TLN2: variants seen among roughly 807,000 people sequenced by gnomAD.
The protein encoded by TLN2 is talin 2.
A neutral mutation model predicts 294.7 loss-of-function variants in TLN2; 118 were observed. That is an observed-to-expected ratio of 0.40 (90% confidence interval 0.34 to 0.47). The LOEUF (loss-of-function observed/expected upper bound fraction) is 0.47, where lower values mean the gene tolerates loss of function less well. Ranked by LOEUF, TLN2 falls within the 20% of genes least tolerant of loss-of-function variation. The pLI, the probability that TLN2 is intolerant of heterozygous loss-of-function variation, is 0.84. For synonymous variants in TLN2, 1,431 were observed against 1,304.5 expected, an observed-to-expected ratio of 1.10 and a Z score of -2.09; for missense variants, 3,083 against 3,282.2, an observed-to-expected ratio of 0.94 and a Z score of 1.48.
At chr15:62,828,182 G>A (rs1425901741) in intron 54 of TLN2, 1 of 152,374 alleles carries the variant, frequency 6.6e-6, no homozygotes, top group African/African-American at 2.4e-5. Context: ...TTTAAAGGGT[G>A]AGCAAGGAAG....
intron 1 of TLN2, among the ~76,000 whole-genome samples, chr15:62,448,723 T>G (rs965727841): frequency 3.3e-5 from 5 of 152,210 alleles, no homozygotes; most frequent in Non-Finnish European, 5.9e-5. Context: ...GAATAGTAAT[T>G]CACAGAGCGG....
chr15:62,547,337 A>G lies in TLN2; in HGVS notation c.-237-42350A>G, dbSNP rs190838064. 3.9e-5 allele frequency among the ~76,000 whole-genome samples: 6 copies of G among 152,330 alleles called. No homozygotes were observed. The East Asian group carries it at 5.8e-4, about 15-fold the overall frequency. The stretch of plus-strand genomic sequence containing the variant: ...GATTAGACTGTCTAGGATAGTATCA[A>G]TCTTGTGGCTACGTTGACATCTTTG... On this transcript the variant is annotated intron_variant, in intron 1 of 58. Transcript: ENST00000636159.
chr15:62,502,332 A>T (rs1253395126), intron 1 of TLN2, among the ~76,000 whole-genome samples: 1 of 152,240 alleles, frequency 6.6e-6, no homozygotes, highest in African/African-American at 2.4e-5. Context: ...CAAAGGTTTG[A>T]ACTGCTGACT....
At chr15:62,739,578 T>A in intron 31 of TLN2, 33 bp downstream of exon 31, 1 of 1,610,976 alleles carries the variant, frequency 6.2e-7, no homozygotes. Context: ...GGAGTTGACC[T>A]TAGCCTCTCC....
At position 62,775,300 on chromosome 15, in the gene TLN2, C is replaced by T. The variant is rs151138856; in HGVS notation, c.5368-1464C>T. Among the ~76,000 whole-genome samples, 902 of 152,190 alleles carry T rather than the reference C, an allele frequency of 5.9e-3. 13 individuals carry two copies. The highest frequency in any genetic ancestry group is 0.02 in the African/African-American group (811 of 41,498). On this transcript the variant is annotated intron_variant, in intron 42 of 58. Transcript: ENST00000636159. ...TGCACCCTCCCTTTCACCTTCTGTA[C>T]GAATAAAAATGTATGAGATGCTCTT...
At chr15:62,801,640 G>A (rs753550120) in intron 50 of TLN2, among the ~76,000 whole-genome samples, 1 of 152,200 alleles carries the variant, frequency 6.6e-6, no homozygotes, top group Non-Finnish European at 1.5e-5. Context: ...TATCATTAAA[G>A]AATCTAGCCT....
At chr15:62,597,349 C>A (rs2046618937) in intron 2 of TLN2, among the ~76,000 whole-genome samples, 2 of 152,302 alleles carry the variant, frequency 1.3e-5, no homozygotes, top group South Asian at 4.2e-4. Context: ...ATGCTGTTCC[C>A]ATCGGAACCT....
In TLN2 at chr15:62,421,283, G is replaced by T. The variant is rs545752605; in HGVS notation, c.-238+30598G>T. 6.6e-5 allele frequency among the ~76,000 whole-genome samples: 10 copies of T among 152,228 alleles called. No homozygotes were observed. The East Asian group carries it at 1.2e-3, about 18-fold the overall frequency. On this transcript the variant is annotated intron_variant, in intron 1 of 58. Coordinates refer to ENST00000636159, the MANE Select transcript of TLN2 (RefSeq NM_015059.3). ...ATTGCTGGCCTCAGGAGATCTGCCC[G>T]CTTTGGCCTTCCCAAGTGCTGAGAT...
chr15:62,839,390 G>A (rs1039432136), intron 58 of TLN2, among the ~76,000 whole-genome samples: 4 of 152,188 alleles, frequency 2.6e-5, no homozygotes, highest in African/African-American at 4.8e-5. Flanking sequence ...AAAAATCAAG[G>A]ATTCTATTGT....
chr15:62,644,736 C>T (rs1256096893), intron 3 of TLN2: 11 of 370,680 alleles, frequency 3.0e-5, no homozygotes, highest in Non-Finnish European at 5.8e-5. Flanking sequence ...CTCTGTGTGT[C>T]TTCTGCTTCC....
At chr15:62,676,266 C>G (rs899560467) in intron 11 of TLN2, among the ~76,000 whole-genome samples, 4 of 152,162 alleles carry the variant, frequency 2.6e-5, no homozygotes, top group African/African-American at 9.7e-5. Flanking sequence ...AGAGGAGATA[C>G]CAAGATGTTA....
At chr15:62,682,150 A>G (rs1289337436) in intron 11 of TLN2, among the ~76,000 whole-genome samples, 1 of 152,222 alleles carries the variant, frequency 6.6e-6, no homozygotes, top group African/African-American at 2.4e-5. Flanking sequence ...GGCTTTGCCA[A>G]TCATGCTACT....
chr15:62,782,641 T>C (rs6494359), intron 44 of TLN2, among the ~76,000 whole-genome samples: 149,638 of 152,334 alleles, frequency 0.98, 73,546 homozygotes, highest in Middle Eastern at 1. Context: ...AGTGCACCTG[T>C]TGGCAGGTCG....
chr15:62,825,771 TATATA>T lies in TLN2; in HGVS notation c.7002+5167_7002+5171del, dbSNP rs1429100223. Among the ~76,000 whole-genome samples the T allele has an allele frequency of 3.7e-4, 16 of 43,020 alleles. 2 individuals carry two copies. The highest frequency in any genetic ancestry group is 1.2e-3 in the African/African-American group (13 of 10,958). 28.2% of individuals were successfully genotyped at this position (43,020 alleles called of 152,430 possible). ...ATTAAATATAATTATAATTATATATTATATAATATATTATATATTATAATATATAT... is the reference window on the plus strand; with the variant it reads ...ATTAAATATAATTATAATTATATATTATATATTATATATTATAATATATAT... On this transcript the variant is annotated intron_variant, in intron 54 of 58. Coordinates refer to ENST00000636159, the MANE Select transcript of TLN2 (RefSeq NM_015059.3).
chr15:62,749,837 G>A (rs2061824984), intron 33 of TLN2, among the ~76,000 whole-genome samples: 1 of 152,188 alleles, frequency 6.6e-6, no homozygotes, highest in Non-Finnish European at 1.5e-5. Flanking sequence ...CTATACCCAT[G>A]TATTTCTTTG....
intron 1 of TLN2, among the ~76,000 whole-genome samples, chr15:62,506,230 C>T (rs1234781528): frequency 6.6e-6 from 1 of 152,014 alleles, no homozygotes; most frequent in Non-Finnish European, 1.5e-5. Context: ...GTTGCAGGTT[C>T]CAAGAGTGTG....
chr15:62,836,147 A>C (rs2054078964), intron 57 of TLN2, 74 bp downstream of exon 57: 1 of 1,530,858 alleles, frequency 6.5e-7, no homozygotes, highest in African/African-American at 1.4e-5. Context: ...GACAAGCCTC[A>C]CTTCCTTGGC....
chr15:62,604,082 A>C (rs1315024065), intron 2 of TLN2, among the ~76,000 whole-genome samples: 3 of 152,188 alleles, frequency 2.0e-5, no homozygotes, highest in Non-Finnish European at 2.9e-5. Flanking sequence ...TGTATCATGA[A>C]ATATAATTCA....
chr15:62,634,592 C>T (rs2050209475), intron 3 of TLN2, among the ~76,000 whole-genome samples: 1 of 152,192 alleles, frequency 6.6e-6, no homozygotes, highest in Non-Finnish European at 1.5e-5. Flanking sequence ...CGTGTCCAGG[C>T]TGCAATTTGA....
Sources: gnomAD v4.1 joint callset for allele counts (sites outside exome capture counted in the v4.1 genomes callset) on GRCh38, gnomAD v4.1.1 for gene constraint, MANE v1.5 for transcripts, NCBI Gene and HGNC (gene_info 2026-07-23, HGNC 2026-07-21) for gene names.